The following ADAMTSL3 variants were observed in gnomAD, a reference collection of about 807,000 sequenced individuals.
The protein encoded by ADAMTSL3 is ADAMTS-like protein 3.
ADAMTSL3 carries 128 observed loss-of-function variants against 201.7 expected under a neutral mutation model. That is an observed-to-expected ratio of 0.63 (90% confidence interval 0.55 to 0.73). The LOEUF (loss-of-function observed/expected upper bound fraction) is 0.73. Among genes scored for constraint, ADAMTSL3 ranks in the 30% least tolerant of loss-of-function variants. The probability of loss-of-function intolerance (pLI) is 0.00; values close to 1 mark genes in which losing one functional copy is unlikely to be tolerated. For synonymous variants in ADAMTSL3, 738 were observed against 748.4 expected (o/e 0.99, Z 0.23); for missense variants, 1,990 against 2,119.6 (o/e 0.94, Z 1.20).
intron 17 of ADAMTSL3, among the ~76,000 whole-genome samples, chr15:83,925,288 A>G (rs533120049): frequency 6.6e-6 from 1 of 152,148 alleles, no homozygotes; most frequent in African/African-American, 2.4e-5. Context: ...CCCGCCATGT[A>G]ATGTAGGATA....
At chr15:83,679,836 C>T (rs1468732575) in intron 2 of ADAMTSL3, among the ~76,000 whole-genome samples, 1 of 152,186 alleles carries the variant, frequency 6.6e-6, no homozygotes, top group African/African-American at 2.4e-5. Context: ...CTTCTCACTT[C>T]ATCTCAGCAG....
chr15:83,776,189 C>G (rs2063071430), intron 4 of ADAMTSL3, among the ~76,000 whole-genome samples: 1 of 152,156 alleles, frequency 6.6e-6, no homozygotes. Flanking sequence ...CAGACTGAAG[C>G]CCTCATCCCT....
At chr15:83,692,306 A>C (rs1282973921) in intron 2 of ADAMTSL3, among the ~76,000 whole-genome samples, 1 of 151,726 alleles carries the variant, frequency 6.6e-6, no homozygotes, top group South Asian at 2.1e-4. Context: ...TTTGTGGTTT[A>C]TAGAAATGAG....
chr15:83,904,303 C>A (rs1596382690), intron 15 of ADAMTSL3, among the ~76,000 whole-genome samples: 1 of 152,062 alleles, frequency 6.6e-6, no homozygotes, highest in East Asian at 1.9e-4. Context: ...CCTGCCACCA[C>A]TTCTGACTCT....
rs1000792123 is a variant in ADAMTSL3, at chr15:84,039,043, T to C, written c.*1237T>C. ...GAGGTTAGGTTTGGAGTAAGCGTTG[T>C]TGCTGAAGTGAGTTCAGGCTAGCAT... On this transcript the variant is annotated 3_prime_UTR_variant, in exon 30 of 30. Coordinates refer to ENST00000286744, the MANE Select transcript of ADAMTSL3 (RefSeq NM_207517.3). 6.6e-6 allele frequency: 1 copy of C among 152,664 alleles called. No individual in the cohort carries two copies. The highest frequency in any genetic ancestry group is 1.5e-5 in the Non-Finnish European group (1 of 68,106). 9.5% of individuals were successfully genotyped at this position (152,664 alleles called of 1,614,324 possible). A position where few individuals can be genotyped will look rare whatever the true frequency, so the allele number is the denominator to read the frequency against.
chr15:83,978,811 G>A (rs568884024), intron 20 of ADAMTSL3, among the ~76,000 whole-genome samples: 9 of 152,324 alleles, frequency 5.9e-5, no homozygotes, highest in African/African-American at 2.2e-4. Context: ...GGACCATCTG[G>A]GGCCACAAGG....
At chr15:83,853,135 A>C (rs1301582997) in intron 7 of ADAMTSL3, among the ~76,000 whole-genome samples, 2 of 152,176 alleles carry the variant, frequency 1.3e-5, no homozygotes, top group African/African-American at 4.8e-5. Context: ...GATTACAGGC[A>C]TGAGCCACCA....
intron 7 of ADAMTSL3, among the ~76,000 whole-genome samples, chr15:83,838,484 A>G (rs758697908): frequency 2.6e-5 from 4 of 152,256 alleles, no homozygotes; most frequent in African/African-American, 7.2e-5. Flanking sequence ...CAGGTAAATC[A>G]TGAAATAGTA....
intron 16 of ADAMTSL3, among the ~76,000 whole-genome samples, chr15:83,919,033 G>A (rs1177958378): frequency 6.6e-6 from 1 of 152,138 alleles, no homozygotes; most frequent in African/African-American, 2.4e-5. Flanking sequence ...TATTTTCTGA[G>A]CTGGTGAATG....
rs150591178 is a variant in ADAMTSL3, at chr15:83,808,679, G to A, written c.363+3984G>A. 4.6e-5 allele frequency among the ~76,000 whole-genome samples: 7 copies of A among 152,226 alleles called. No individual in the cohort carries two copies. The East Asian group carries it at 1.2e-3, about 25-fold the overall frequency. On this transcript the variant is annotated intron_variant, in intron 5 of 29. Transcript: ENST00000286744. ...ATATCACAGAGACATCCTCACTCAC[G>A]TGTTTATTGTAGCACTATTCACAAT...
intron 6 of ADAMTSL3, among the ~76,000 whole-genome samples, chr15:83,829,727 T>A (rs2064112840): frequency 6.6e-6 from 1 of 152,238 alleles, no homozygotes; most frequent in African/African-American, 2.4e-5. Flanking sequence ...GTATGTTGTG[T>A]CTTTGTTCTC....
intron 3 of ADAMTSL3, among the ~76,000 whole-genome samples, chr15:83,766,870 G>A (rs1042462347): frequency 2.0e-5 from 3 of 152,192 alleles, no homozygotes; most frequent in African/African-American, 4.8e-5. Context: ...CTAGGCGGGC[G>A]GATCACCTGA....
intron 3 of ADAMTSL3, among the ~76,000 whole-genome samples, chr15:83,771,194 G>C (rs1255015757): frequency 7.0e-6 from 1 of 143,112 alleles, no homozygotes; most frequent in Admixed American, 6.9e-5. Flanking sequence ...TATTTTAATA[G>C]GTCCATTTGT....
chr15:83,766,377 TTC>T (rs2062891475), intron 3 of ADAMTSL3, among the ~76,000 whole-genome samples: 1 of 152,092 alleles, frequency 6.6e-6, no homozygotes, highest in Non-Finnish European at 1.5e-5. Flanking sequence ...TGCATGTGAG[TTC>T]ATGAACATCA....
chr15:83,860,257 T>A (rs1054491273), intron 8 of ADAMTSL3, among the ~76,000 whole-genome samples: 1 of 152,204 alleles, frequency 6.6e-6, no homozygotes, highest in African/African-American at 2.4e-5. Context: ...GATTTGGGAA[T>A]GTTCTGGAGA....
chr15:83,955,537 G>A (rs1317264068), intron 19 of ADAMTSL3, among the ~76,000 whole-genome samples: 3 of 152,082 alleles, frequency 2.0e-5, no homozygotes, highest in Non-Finnish European at 2.9e-5. Context: ...CCCGAAGCCA[G>A]CATATCTCAA....
rs201454407 is a variant in ADAMTSL3 at position 83,892,813 on chromosome 15, C to T, written c.1392C>T (p.Tyr464=). ...ILQVEEWKCM[Y]APKPKVMQTC... Reference sequence around the variant, plus strand: ...AGGTGGAAGAATGGAAGTGCATGTACGCACCCAAACCCAAGGTTATGCAAA... The same window carrying T: ...AGGTGGAAGAATGGAAGTGCATGTATGCACCCAAACCCAAGGTTATGCAAA... The change falls in exon 13 of 30, where the codon TAC becomes TAT. Residue 464 remains tyrosine (Y), a synonymous_variant. Coordinates refer to ENST00000286744, the MANE Select transcript of ADAMTSL3 (RefSeq NM_207517.3). 1.4e-5 allele frequency: 23 copies of T among 1,613,942 alleles called. No homozygotes were observed. Among genetic ancestry groups the T allele is most frequent in the African/African-American group, 2.7e-5 (2 of 74,878 alleles).
rs140402380 is a variant in ADAMTSL3, at chr15:83,704,427, C to T, written c.108C>T (p.Pro36=). 1.8e-5 allele frequency: 29 copies of T among 1,614,046 alleles called. No homozygotes were observed. Among genetic ancestry groups the T allele is most frequent in the East Asian group, 1.3e-4 (6 of 44,896 alleles). Reference sequence around the variant, plus strand: ...AATCTCCTGGAGCCTATTTCCTTCCCGAGTTTGCACTTTCTCCTCAGGGAA... The same window carrying T: ...AATCTCCTGGAGCCTATTTCCTTCCTGAGTTTGCACTTTCTCCTCAGGGAA... ...AEKSPGAYFL[P]EFALSPQGSF... is the part of the protein sequence containing the mutation. Residue 36 remains proline (P), a synonymous_variant, in exon 3 of 30, where the codon CCC becomes CCT. Coordinates refer to ENST00000286744, the MANE Select transcript of ADAMTSL3 (RefSeq NM_207517.3).
At chr15:83,984,053 C>T (rs2141817544) in intron 21 of ADAMTSL3, among the ~76,000 whole-genome samples, 1 of 152,330 alleles carries the variant, frequency 6.6e-6, no homozygotes, top group East Asian at 1.9e-4. Context: ...TTATTCTGAT[C>T]TCTATGCCAG....
Sources: gnomAD v4.1 joint callset for allele counts (sites outside exome capture counted in the v4.1 genomes callset) on GRCh38, gnomAD v4.1.1 for gene constraint, MANE v1.5 for transcripts, NCBI Gene and HGNC (gene_info 2026-07-23, HGNC 2026-07-21) for gene names.